ARB2A: variants seen among roughly 807,000 people sequenced by gnomAD.
ARB2A encodes the protein ARB2 cotranscriptional regulator A.
chr5:93,744,666 T>C, the ARB2A span, among the ~76,000 whole-genome samples: 1 of 151,950 alleles, frequency 6.6e-6, no homozygotes, highest in Non-Finnish European at 1.5e-5. Context: ...CCTATGGAAA[T>C]GGGGTTAGCA....
chr5:93,974,131 C>T, the ARB2A span, among the ~76,000 whole-genome samples: 1 of 152,156 alleles, frequency 6.6e-6, no homozygotes, highest in African/African-American at 2.4e-5. Context: ...CAAGACCCAT[C>T]CTTCTACTGT....
At chr5:94,097,826 G>A in the ARB2A span, among the ~76,000 whole-genome samples, 1 of 150,158 alleles carries the variant, frequency 6.7e-6, no homozygotes, top group Non-Finnish European at 1.5e-5. Context: ...CCACTGCTTT[G>A]ACATAAAGCC....
chr5:93,828,591 C>G, the ARB2A span, among the ~76,000 whole-genome samples: 1 of 152,134 alleles, frequency 6.6e-6, no homozygotes, highest in South Asian at 2.1e-4. Flanking sequence ...AATCTCTAGC[C>G]TAGCCTCAAC....
At chr5:93,879,575 G>T in the ARB2A span, among the ~76,000 whole-genome samples, 1 of 151,708 alleles carries the variant, frequency 6.6e-6, no homozygotes, top group Non-Finnish European at 1.5e-5. Flanking sequence ...AACATAAAAA[G>T]AATGTTGTTT....
the ARB2A span, among the ~76,000 whole-genome samples, chr5:94,086,106 T>C: frequency 6.6e-6 from 1 of 152,228 alleles, no homozygotes; most frequent in Non-Finnish European, 1.5e-5. Flanking sequence ...GGTAAATTTA[T>C]AGGTGTTAAT....
chr5:94,097,015 G>A, the ARB2A span, among the ~76,000 whole-genome samples: 2 of 152,196 alleles, frequency 1.3e-5, no homozygotes, highest in Admixed American at 1.3e-4. Flanking sequence ...GAGCTGCTTG[G>A]AGAAGTGGCA....
At chr5:93,998,740 T>C in the ARB2A span, among the ~76,000 whole-genome samples, 1 of 152,006 alleles carries the variant, frequency 6.6e-6, no homozygotes, top group Non-Finnish European at 1.5e-5. Flanking sequence ...TGAGGATGAC[T>C]AAATGATTCT....
At chr5:94,050,728 T>C in the ARB2A span, 1 of 1,590,074 alleles carries the variant, frequency 6.3e-7, no homozygotes, top group Non-Finnish European at 8.5e-7. Flanking sequence ...ATATGTGACA[T>C]ACCTCTCCTA....
chr5:94,041,476 T>G, the ARB2A span, among the ~76,000 whole-genome samples: 1 of 152,072 alleles, frequency 6.6e-6, no homozygotes, highest in Non-Finnish European at 1.5e-5. Context: ...TTTATATGTG[T>G]TGTGTGTGTG....
At chr5:93,972,808 G>T in the ARB2A span, among the ~76,000 whole-genome samples, 1 of 151,942 alleles carries the variant, frequency 6.6e-6, no homozygotes. Flanking sequence ...TGTTGTGGTG[G>T]CTCACGCCTG....
chr5:93,933,989 A>G, the ARB2A span, among the ~76,000 whole-genome samples: 9 of 152,040 alleles, frequency 5.9e-5, no homozygotes, highest in Non-Finnish European at 1.0e-4. Flanking sequence ...CTGGGTACAG[A>G]GCAAGACTCT....
At chr5:93,988,900 T>G in the ARB2A span, among the ~76,000 whole-genome samples, 1 of 152,166 alleles carries the variant, frequency 6.6e-6, no homozygotes, top group African/African-American at 2.4e-5. Context: ...GATTCAAACC[T>G]AGGCAATCTA....
the ARB2A span, among the ~76,000 whole-genome samples, chr5:93,626,878 G>A: frequency 6.6e-6 from 1 of 152,174 alleles, no homozygotes; most frequent in Non-Finnish European, 1.5e-5. Flanking sequence ...TTCCTTTCCT[G>A]AAAGATTTCT....
At chr5:93,977,446 C>G in the ARB2A span, among the ~76,000 whole-genome samples, 1 of 151,910 alleles carries the variant, frequency 6.6e-6, no homozygotes, top group Admixed American at 6.6e-5. Flanking sequence ...AGAATACGGA[C>G]CCCCTGAAAT....
At chr5:93,924,100 G>C in the ARB2A span, among the ~76,000 whole-genome samples, 1 of 152,100 alleles carries the variant, frequency 6.6e-6, no homozygotes, top group African/African-American at 2.4e-5. Flanking sequence ...ACACTATGAA[G>C]ATAGACTGGA....
chr5:93,850,843 T>C, the ARB2A span, among the ~76,000 whole-genome samples: 1 of 152,208 alleles, frequency 6.6e-6, no homozygotes, highest in Admixed American at 6.5e-5. Flanking sequence ...ATATGTTTTG[T>C]GAAGGCAACT....
At chr5:93,916,613 G>A in the ARB2A span, among the ~76,000 whole-genome samples, 1 of 152,114 alleles carries the variant, frequency 6.6e-6, no homozygotes, top group Non-Finnish European at 1.5e-5. Flanking sequence ...GTAATTTCGA[G>A]AGTCTCTGTC....
chr5:94,081,862 C>CAAA, the ARB2A span, among the ~76,000 whole-genome samples: 1 of 143,606 alleles, frequency 7.0e-6, no homozygotes, highest in African/African-American at 2.5e-5. Context: ...AAGGCAGTCT[C>CAAA]AAAAAAAAAA....
At chr5:93,704,935 A>G in the ARB2A span, among the ~76,000 whole-genome samples, 3 of 152,152 alleles carry the variant, frequency 2.0e-5, no homozygotes, top group African/African-American at 7.2e-5. Context: ...TCATCCATAA[A>G]TCCCCCAGGC....
Sources: allele counts gnomAD v4.1 joint callset (sites outside exome capture counted in the v4.1 genomes callset), GRCh38; gene constraint gnomAD v4.1.1; transcripts MANE v1.5; gene names NCBI Gene and HGNC (gene_info 2026-07-23, HGNC 2026-07-21).